The following IGSF22 variants were observed in gnomAD, a reference collection of about 807,000 sequenced individuals.
The protein encoded by IGSF22 is immunoglobulin superfamily, member 22.
IGSF22 carries 119 observed loss-of-function variants against 127.0 expected under a neutral mutation model. The observed-to-expected ratio is 0.94, with a 90% CI of 0.81 to 1.09. The LOEUF is 1.09. Among genes scored for constraint, IGSF22 ranks in the 50% least tolerant of loss-of-function variants. The probability of loss-of-function intolerance (pLI) is 0.00; values close to 1 mark genes in which losing one functional copy is unlikely to be tolerated. For missense variants in IGSF22, 1,518 were observed against 1,716.6 expected (o/e 0.88, Z 2.04); for synonymous variants, 568 against 664.7 (o/e 0.85, Z 2.24).
At chr11:18,706,665 G>T in intron 21 of IGSF22, 1 of 451,024 alleles carries the variant, frequency 2.2e-6, no homozygotes. Flanking sequence ...TGCGCTCTAT[G>T]TCCCTCCGCA....
chr11:18,722,073 T>C (rs769552717), intron 2 of IGSF22, 32 bp from the exon 3 acceptor site: 28 of 1,611,890 alleles, frequency 1.7e-5, no homozygotes, highest in Non-Finnish European at 2.2e-5. Context: ...CAGAATGGGC[T>C]CCAGGTAGAA....
intron 22 of IGSF22, chr11:18,705,415 A>C: frequency 5.3e-6 from 1 of 187,784 alleles, no homozygotes. Context: ...TCCTTATCCT[A>C]GACCAGTTTT....
Position 18,716,839 on chromosome 11 carries a change from C to T in IGSF22, c.1135G>A (p.Glu379Lys), listed in dbSNP as rs761418399. Residue 379 changes from glutamate to lysine, a missense_variant, in exon 10 of 23, where the codon GAA becomes AAA. Transcript: ENST00000513874. The surrounding 1 kb of genome is among the most constrained non-coding windows in gnomAD (Gnocchi z 4.5). ...TTAAGCGTGTGCGTCAGACCATCTT[C>T]GGACACCGTGATTTCATACTTGTCA... ...RDDKYEITVS[E>K]DGLTHTLKIK... 2.5e-5 allele frequency: 41 copies of T among 1,614,096 alleles called. No homozygotes were observed. The highest frequency in any genetic ancestry group is 3.1e-5 in the Non-Finnish European group (36 of 1,180,050).
chr11:18,714,351 A>G lies in IGSF22; in HGVS notation c.1724T>C (p.Met575Thr), dbSNP rs369498553. The change falls in exon 13 of 23, where the codon ATG becomes ACG. Residue 575 changes from methionine (M) to threonine (T), a missense_variant. Physicochemically the swap from Met to Thr is moderately conservative, Grantham distance 81. Around this residue, in one of 3 missense-constraint regions of IGSF22, gnomAD observed 1,456 missense variants for 1,644.9 expected, o/e 0.89. Coordinates refer to ENST00000513874, the MANE Select transcript of IGSF22 (RefSeq NM_173588.4). Reference sequence around the variant, plus strand: ...GTACTTGCCCTCGTGCTCAGGGCCCATACTGGGAAAGATGAGCTTGTGCAC... The same window carrying G: ...GTACTTGCCCTCGTGCTCAGGGCCCGTACTGGGAAAGATGAGCTTGTGCAC... ...GAVHKLIFPSMGPEHEGKYTF... is the reference protein window; with the variant it reads ...GAVHKLIFPSTGPEHEGKYTF... The G allele has an allele frequency of 1.1e-5, 17 of 1,614,070 alleles. No individual in the cohort carries two copies. The highest frequency in any genetic ancestry group is 4.0e-5 in the African/African-American group (3 of 74,922).
intron 6 of IGSF22, 70 bp downstream of exon 6, chr11:18,719,994 A>G (rs1848539839): frequency 6.2e-7 from 1 of 1,609,460 alleles, no homozygotes; most frequent in Non-Finnish European, 8.5e-7. Flanking sequence ...GGCCTTGTTG[A>G]GAGGCCTTTG....
Position 18,706,116 on chromosome 11 carries a change from T to C in IGSF22, c.3611A>G (p.Tyr1204Cys). Residue 1204 changes from tyrosine (Y) to cysteine (C), a missense_variant, in exon 22 of 23, where the codon TAC (tyrosine) becomes TGC (cysteine). By Grantham distance (194) the Tyr-to-Cys change is radical. This residue lies in a region of IGSF22 where 1,456 missense variants were observed against 1,644.9 expected (regional missense o/e 0.89). Coordinates refer to ENST00000513874, the MANE Select transcript of IGSF22 (RefSeq NM_173588.4). ...CGCGTGGCGCCAGTCCTTCTTCTCG[T>C]AGGGCTTGAGCTTGGCGCTCAGGTC... ...IQDLSAKLKP[Y>C]EKKDWRHAPR... The C allele has an allele frequency of 1.3e-6, 2 of 1,544,804 alleles. No homozygotes were observed. Among genetic ancestry groups the C allele is most frequent in the African/African-American group, 1.4e-5 (1 of 73,170 alleles).
intron 8 of IGSF22, 150 bp from the exon 9 acceptor site, chr11:18,718,243 T>G: frequency 2.7e-6 from 2 of 739,892 alleles, no homozygotes; most frequent in Non-Finnish European, 4.3e-6. Context: ...CCTCATCATC[T>G]GGTTTGGTGG....
chr11:18,704,504 G>C lies in IGSF22; in HGVS notation c.3945C>G (p.Thr1315=), dbSNP rs1323454486. The C allele has an allele frequency of 1.3e-6, 2 of 1,550,678 alleles. No homozygotes were observed. The highest frequency in any genetic ancestry group is 4.9e-5 in the East Asian group (2 of 40,892). Residue 1315 remains threonine (T), a synonymous_variant, in exon 23 of 23, where the codon ACC becomes ACG. Transcript: ENST00000513874. ...KDDKSVVASI[T]ESLQKKSKHL... ...GCTTTGATTTCTTCTGCAGACTCTC[G>C]GTGATGGATGCTACAACTGACTTAT... is the stretch of plus-strand genomic sequence containing the variant.
rs373950090 is a variant in IGSF22, at chr11:18,714,423, G to T, written c.1657-5C>A. On this transcript the variant is annotated splice_region_variant and splice_polypyrimidine_tract_variant and intron_variant, in intron 12 of 22. Transcript: ENST00000513874. ...CATGCCTGGCAAGTCCGTGATCTGG[G>T]GGTCAGGGGTGGGCCTGAGTGTGAG... 6.2e-7 allele frequency: 1 copy of T among 1,614,006 alleles called. No homozygotes were observed. The highest frequency in any genetic ancestry group is 8.5e-7 in the Non-Finnish European group (1 of 1,179,874).
Position 18,706,060 on chromosome 11 carries a change from T to C in IGSF22, c.3667A>G (p.Thr1223Ala), listed in dbSNP as rs1277852485. 7 of 1,550,986 alleles carry C rather than the reference T, an allele frequency of 4.5e-6. No homozygotes were observed. In the South Asian group the frequency reaches 8.3e-5, roughly 18 times the overall value. The change falls in exon 22 of 23, where the codon ACG (threonine) becomes GCG (alanine). Residue 1223 changes from threonine (T) to alanine (A), a missense_variant. Thr to Ala is a moderately conservative substitution (Grantham distance 58). Transcript: ENST00000513874. ...GTGCAGTCCTGGCCGCGGAGCACCGTGTGTGGCTTGAGGGGCGTCACGAAG... is the reference window on the plus strand; with the variant it reads ...GTGCAGTCCTGGCCGCGGAGCACCGCGTGTGGCTTGAGGGGCGTCACGAAG... The part of the protein sequence containing the change: ...PRFVTPLKPH[T>A]VLRGQDCTMT...
chr11:18,706,109 C>T lies in IGSF22; in HGVS notation c.3618G>A (p.Lys1206=). 1 of 1,546,136 alleles carries T rather than the reference C, an allele frequency of 6.5e-7. No homozygotes were observed. The highest frequency in any genetic ancestry group is 8.7e-7 in the Non-Finnish European group (1 of 1,146,750). ...DLSAKLKPYE[K]KDWRHAPRFV... ...AGCGCGGCGCGTGGCGCCAGTCCTT[C>T]TTCTCGTAGGGCTTGAGCTTGGCGC... The change falls in exon 22 of 23, where the codon AAG becomes AAA. Residue 1206 remains lysine, a synonymous_variant. Coordinates refer to ENST00000513874, the MANE Select transcript of IGSF22 (RefSeq NM_173588.4).
Position 18,720,048 on chromosome 11 carries a change from G to T in IGSF22, c.518+16C>A, listed in dbSNP as rs1390134292. On this transcript the variant is annotated intron_variant, in intron 6 of 22. Coordinates refer to ENST00000513874, the MANE Select transcript of IGSF22 (RefSeq NM_173588.4). ...GAGGAGACAATATCTTGGGCAGAAGGACCTGCCAGCCTCACCTCTTCTTCA... is the reference window on the plus strand; with the variant it reads ...GAGGAGACAATATCTTGGGCAGAAGTACCTGCCAGCCTCACCTCTTCTTCA... 3 of 1,613,740 alleles carry T rather than the reference G, an allele frequency of 1.9e-6. No individual in the cohort carries two copies. The highest frequency in any genetic ancestry group is 2.5e-6 in the Non-Finnish European group (3 of 1,179,880).
At chr11:18,724,959 C>G (rs1220317794) in intron 1 of IGSF22, among the ~76,000 whole-genome samples, 1 of 152,072 alleles carries the variant, frequency 6.6e-6, no homozygotes, top group Non-Finnish European at 1.5e-5. Context: ...CCTTCTAGAC[C>G]TCCATCATGC....
chr11:18,710,008 C>A (rs1002076314), intron 17 of IGSF22, among the ~76,000 whole-genome samples: 7 of 152,192 alleles, frequency 4.6e-5, no homozygotes, highest in Non-Finnish European at 7.3e-5. Context: ...CTTCACCTTG[C>A]TTCCTAAATG....
At position 18,709,061 on chromosome 11, in the gene IGSF22, C is replaced by T. The variant is rs1367793677; in HGVS notation, c.2998+326G>A. Among the ~76,000 whole-genome samples, 2 of 152,202 alleles carry T rather than the reference C, an allele frequency of 1.3e-5. No individual in the cohort carries two copies. The highest frequency in any genetic ancestry group is 2.9e-5 in the Non-Finnish European group (2 of 68,042). ...ATTGATTTGGGTAATAACTCTGTCT[C>T]CCATACAGCATGGCTGGCCTTGTGT... On this transcript the variant is annotated intron_variant, in intron 18 of 22. Coordinates refer to ENST00000513874, the MANE Select transcript of IGSF22 (RefSeq NM_173588.4). The surrounding 1 kb of genome is among the most constrained non-coding windows in gnomAD (Gnocchi z 4.8).
chr11:18,706,993 G>A lies in IGSF22; in HGVS notation c.3501C>T (p.Phe1167=), dbSNP rs1251802430. 3 of 1,550,574 alleles carry A rather than the reference G, an allele frequency of 1.9e-6. No individual in the cohort carries two copies. Among genetic ancestry groups the A allele is most frequent in the Non-Finnish European group, 2.6e-6 (3 of 1,146,434 alleles). Residue 1167 remains phenylalanine, a synonymous_variant, in exon 21 of 23, where the codon TTC becomes TTT. Transcript: ENST00000513874. ...TGLLPGRKYY[F]RVVARNEIGD... ...CGATTTCATTCCGAGCCACCACTCTGAAGTAGTACTTCCTGCCTGGGAGCA... is the reference window on the plus strand; with the variant it reads ...CGATTTCATTCCGAGCCACCACTCTAAAGTAGTACTTCCTGCCTGGGAGCA...
At chr11:18,712,802 G>C (rs1848382382) in intron 14 of IGSF22, among the ~76,000 whole-genome samples, 2 of 152,198 alleles carry the variant, frequency 1.3e-5, no homozygotes, top group East Asian at 3.9e-4. Context: ...TGTGTACACA[G>C]CAGTGAGAAC....
rs1848181047 is a variant in IGSF22 at position 18,704,387 on chromosome 11, T to C, written c.*81A>G. On this transcript the variant is annotated 3_prime_UTR_variant, in exon 23 of 23. Transcript: ENST00000513874. ...ACAAACACCAGAGAGCAAACTGGGC[T>C]TCCTACACTGGGCCATGCAGAGGAC... 8.9e-6 allele frequency: 8 copies of C among 897,654 alleles called. No individual in the cohort carries two copies. The allele number at this position is 897,654 out of a possible 1,614,324, so 55.6% of individuals were successfully genotyped here.
At chr11:18,724,295 G>A in intron 1 of IGSF22, 26 bp from the exon 2 acceptor site, 2 of 1,190,158 alleles carry the variant, frequency 1.7e-6, no homozygotes, top group Non-Finnish European at 2.5e-6. Context: ...AGGCCATGAA[G>A]GACAAGACAG....
Sources: allele counts gnomAD v4.1 joint callset (sites outside exome capture counted in the v4.1 genomes callset), GRCh38; gene constraint gnomAD v4.1.1; regional missense constraint gnomAD v4.1.1; non-coding constraint Gnocchi (gnomAD v3.1); transcripts MANE v1.5; gene names NCBI Gene and HGNC (gene_info 2026-07-23, HGNC 2026-07-21).